The following CIAO3 variants were observed in gnomAD, a reference collection of about 807,000 sequenced individuals.
CIAO3 encodes the protein LET1 like/JFP15.
In CIAO3, 45 loss-of-function variants were observed where a neutral mutation model predicts 51.5. That is an observed-to-expected ratio of 0.87 (90% CI 0.69 to 1.12). CIAO3 has a LOEUF of 1.12. Among genes scored for constraint, CIAO3 ranks in the 50% most tolerant of loss-of-function variants. CIAO3 has a pLI of 0.00. For missense variants in CIAO3, 668 were observed against 632.5 expected (o/e 1.06, Z -0.60); for synonymous variants, 314 against 269.3 (o/e 1.17, Z -1.63).
intron 5 of CIAO3, 171 bp downstream of exon 5, chr16:734,566 G>C (rs1184088654): frequency 1.6e-6 from 2 of 1,258,626 alleles, no homozygotes; most frequent in East Asian, 4.7e-5. Flanking sequence ...CCCACGGGAG[G>C]GCAGCCTCTT....
At position 732,293 on chromosome 16, in the gene CIAO3, A is replaced by G. The variant is rs2041291420; in HGVS notation, c.896+8T>C. The G allele has an allele frequency of 6.2e-7, 1 of 1,605,992 alleles. No homozygotes were observed. The highest frequency in any genetic ancestry group is 8.5e-7 in the Non-Finnish European group (1 of 1,174,772). On this transcript the variant is annotated splice_region_variant and intron_variant, in intron 8 of 10. Coordinates refer to ENST00000251588, the MANE Select transcript of CIAO3 (RefSeq NM_022493.3). Reference sequence around the variant, plus strand: ...AAAATAACAGTTCTTGGTGGCAGACATACGTACAGGCTGTCCAGAGGGGCT... The same window carrying G: ...AAAATAACAGTTCTTGGTGGCAGACGTACGTACAGGCTGTCCAGAGGGGCT...
chr16:731,185 G>T, intron 9 of CIAO3, 185 bp from the exon 10 acceptor site: 1 of 765,200 alleles, frequency 1.3e-6, no homozygotes, highest in Non-Finnish European at 2.0e-6. Context: ...CTTGAGTCCA[G>T]CAGGGGACCT....
chr16:737,481 CA>C lies in CIAO3; in HGVS notation c.163-153del, dbSNP rs1411495821. The C allele has an allele frequency of 5.0e-5, 76 of 1,520,352 alleles. No individual in the cohort carries two copies. Among genetic ancestry groups the C allele is most frequent in the Non-Finnish European group, 9.7e-6 (11 of 1,136,954 alleles). 94.2% of individuals were successfully genotyped at this position (1,520,352 alleles called of 1,614,324 possible). ...ATTTTTAAAAATTAGGTATGTATTA[CA>C]AAAATGCACACGCACGCTCTACAGT... On this transcript the variant is annotated intron_variant, in intron 2 of 10. Transcript: ENST00000251588. The surrounding 1 kb of genome is among the most constrained non-coding windows in gnomAD (Gnocchi z 5.3).
intron 1 of CIAO3, 68 bp from the exon 2 acceptor site, chr16:739,806 C>T: frequency 1.3e-6 from 2 of 1,508,384 alleles, no homozygotes; most frequent in Non-Finnish European, 1.8e-6. Context: ...GGCCAGGCCT[C>T]AAGGATGGCT....
chr16:738,380 G>A (rs1331109482), intron 2 of CIAO3: 31 of 912,678 alleles, frequency 3.4e-5, no homozygotes, highest in East Asian at 2.5e-4. Context: ...ATGGAGTCTC[G>A]CTCTGTCACC....
At chr16:732,086 C>A (rs528933703) in intron 8 of CIAO3, 3 of 591,590 alleles carry the variant, frequency 5.1e-6, no homozygotes, top group Non-Finnish European at 9.0e-6. Flanking sequence ...CCATGTTGGC[C>A]GAGCTGGTCT....
chr16:734,716 C>T (rs1270371933), intron 5 of CIAO3, 21 bp downstream of exon 5: 1 of 1,612,768 alleles, frequency 6.2e-7, no homozygotes. Flanking sequence ...GACTCTCCCA[C>T]CACCCGCACC....
intron 2 of CIAO3, 158 bp downstream of exon 2, chr16:739,485 C>G (rs1331174668): frequency 1.6e-5 from 12 of 729,348 alleles, no homozygotes; most frequent in Non-Finnish European, 2.3e-5. Context: ...GCACCCTGAC[C>G]CCCAGCCTCC....
At position 737,856 on chromosome 16, in the gene CIAO3, C is replaced by A; in HGVS notation, c.163-527G>T. 8.5e-7 allele frequency: 1 copy of A among 1,182,290 alleles called. No homozygotes were observed. The highest frequency in any genetic ancestry group is 1.1e-6 in the Non-Finnish European group (1 of 937,464). The allele number at this position is 1,182,290 out of a possible 1,614,324, so 73.2% of individuals were successfully genotyped here. Reference sequence around the variant, plus strand: ...AGATGCAGGAACAAGGTGTTCCAGTCGGGGGCCTCCGGGACATGCCTCAGC... The same window carrying A: ...AGATGCAGGAACAAGGTGTTCCAGTAGGGGGCCTCCGGGACATGCCTCAGC... On this transcript the variant is annotated intron_variant, in intron 2 of 10. Transcript: ENST00000251588. This position sits in a 1 kb window ranked among gnomAD's most constrained non-coding sequence, Gnocchi z 5.3.
chr16:732,706 G>A (rs540199088), intron 7 of CIAO3: 7 of 378,224 alleles, frequency 1.9e-5, no homozygotes, highest in African/African-American at 8.4e-5. Context: ...GTACGATCTC[G>A]GCTCACTACG....
At position 730,372 on chromosome 16, in the gene CIAO3, G is replaced by A; in HGVS notation, c.*45C>T. ...GGGTCTTGGGGCATGTGGTTCTGCT[G>A]TCACACATGGACACGGCCTCCTGGG... On this transcript the variant is annotated 3_prime_UTR_variant, in exon 11 of 11. Coordinates refer to ENST00000251588, the MANE Select transcript of CIAO3 (RefSeq NM_022493.3). 8 of 1,566,976 alleles carry A rather than the reference G, an allele frequency of 5.1e-6. No individual in the cohort carries two copies. The highest frequency in any genetic ancestry group is 4.3e-6 in the Non-Finnish European group (5 of 1,153,586).
intron 1 of CIAO3, 84 bp from the exon 2 acceptor site, chr16:739,822 G>C (rs2041373955): frequency 7.0e-7 from 1 of 1,418,526 alleles, no homozygotes; most frequent in South Asian, 1.2e-5. Flanking sequence ...TGGCTGCCCA[G>C]CCGCACAGCC....
intron 4 of CIAO3, among the ~76,000 whole-genome samples, chr16:735,758 C>T (rs749957658): frequency 2.6e-5 from 4 of 152,184 alleles, no homozygotes; most frequent in Non-Finnish European, 4.4e-5. Flanking sequence ...GGTTACAAGG[C>T]GCACAGGCCT....
intron 7 of CIAO3, chr16:732,735 C>A: frequency 2.8e-6 from 1 of 357,368 alleles, no homozygotes; most frequent in East Asian, 7.2e-5. Context: ...CCCCCGGGAT[C>A]AAGTGACTCT....
At chr16:739,828 C>T (rs1348128286) in intron 1 of CIAO3, 90 bp from the exon 2 acceptor site, 20 of 1,391,498 alleles carry the variant, frequency 1.4e-5, no homozygotes, top group South Asian at 5.0e-5. Flanking sequence ...CCCAGCCGCA[C>T]AGCCTGAAGG....
In CIAO3 at chr16:737,693, G is replaced by A; in HGVS notation, c.163-364C>T. ...TAGGGCAGGAAAATGCCGAAGGTGG[G>A]CTCTGAAAGGAGGAGGCGGGAAAGC... On this transcript the variant is annotated intron_variant, in intron 2 of 10. Transcript: ENST00000251588. This position sits in a 1 kb window ranked among gnomAD's most constrained non-coding sequence, Gnocchi z 5.3. 3.1e-6 allele frequency: 4 copies of A among 1,306,484 alleles called. No homozygotes were observed. The highest frequency in any genetic ancestry group is 4.0e-6 in the Non-Finnish European group (4 of 1,000,546). The allele number at this position is 1,306,484 out of a possible 1,614,324, so 80.9% of individuals were successfully genotyped here.
At position 730,366 on chromosome 16, in the gene CIAO3, T is replaced by A; in HGVS notation, c.*51A>T. On this transcript the variant is annotated 3_prime_UTR_variant, in exon 11 of 11. Transcript: ENST00000251588. ...GCCCTGGGGTCTTGGGGCATGTGGT[T>A]CTGCTGTCACACATGGACACGGCCT... 6.5e-7 allele frequency: 1 copy of A among 1,543,662 alleles called. No individual in the cohort carries two copies.
In CIAO3 at chr16:734,801, C is replaced by T. The variant is rs1285040843; in HGVS notation, c.510G>A (p.Val170=). ...AGTCGGCCTGTCCTCGGAATCGCCG[C>T]ACAAACTCTCGCTGGCTCTCCAGGA... The part of the protein sequence containing the change: ...FSLLESQREF[V]RRFRGQADCR... The change falls in exon 5 of 11, where the codon GTG becomes GTA. Residue 170 remains valine, a synonymous_variant. Coordinates refer to ENST00000251588, the MANE Select transcript of CIAO3 (RefSeq NM_022493.3). 6.2e-7 allele frequency: 1 copy of T among 1,606,422 alleles called. No homozygotes were observed. The highest frequency in any genetic ancestry group is 2.2e-5 in the East Asian group (1 of 44,654).
intron 9 of CIAO3, 73 bp from the exon 10 acceptor site, chr16:731,073 G>A (rs2041274214): frequency 1.3e-6 from 2 of 1,580,520 alleles, no homozygotes; most frequent in African/African-American, 2.7e-5. Flanking sequence ...GGGGAGGCCT[G>A]CTGGGCTTCA....
Sources: allele counts gnomAD v4.1 joint callset (sites outside exome capture counted in the v4.1 genomes callset), GRCh38; gene constraint gnomAD v4.1.1; non-coding constraint Gnocchi (gnomAD v3.1); transcripts MANE v1.5; gene names NCBI Gene and HGNC (gene_info 2026-07-23, HGNC 2026-07-21).